Variants in PAX5 observed in about 807,000 individuals in gnomAD.
PAX5 encodes the protein paired box protein Pax-5.
In PAX5, 9 loss-of-function variants were observed where a neutral mutation model predicts 43.7. The ratio of observed to expected loss-of-function variants is 0.21; its 90% CI spans 0.12 to 0.36. The LOEUF is 0.36. Among genes scored for constraint, PAX5 ranks in the 10% least tolerant of loss-of-function variants. The pLI, the probability that PAX5 is intolerant of heterozygous loss-of-function variation, is 1.00. For synonymous variants in PAX5, 228 were observed against 214.3 expected, an observed-to-expected ratio of 1.06 and a Z score of -0.56; for missense variants, 383 against 532.7, an observed-to-expected ratio of 0.72 and a Z score of 2.77.
At chr9:36,981,306 C>A (rs1323352502) in intron 5 of PAX5, among the ~76,000 whole-genome samples, 1 of 151,686 alleles carries the variant, frequency 6.6e-6, no homozygotes, top group Admixed American at 6.6e-5. Flanking sequence ...TTCCTTAGAA[C>A]GTCACTCATG....
chr9:37,006,008 G>C (rs1441762877), intron 4 of PAX5, among the ~76,000 whole-genome samples: 1 of 152,206 alleles, frequency 6.6e-6, no homozygotes, highest in Admixed American at 6.5e-5. Context: ...AAGAGAGAGA[G>C]AGAAAGTAAG....
intron 6 of PAX5, among the ~76,000 whole-genome samples, chr9:36,929,226 G>A (rs968827948): frequency 6.8e-6 from 1 of 146,164 alleles, no homozygotes; most frequent in African/African-American, 2.6e-5. Context: ...GAAGGAAGAA[G>A]GAAGGAAGGA....
chr9:37,033,924 G>A (rs1841265120), intron 1 of PAX5, 62 bp downstream of exon 1: 1 of 1,535,028 alleles, frequency 6.5e-7, no homozygotes, highest in Non-Finnish European at 9.0e-7. Flanking sequence ...CACCCTGCGT[G>A]GGGACCAAGG....
intron 5 of PAX5, among the ~76,000 whole-genome samples, chr9:36,984,079 G>C (rs1653176043): frequency 1.3e-5 from 2 of 152,188 alleles, no homozygotes; most frequent in Admixed American, 1.3e-4. Context: ...CTAGGACTGA[G>C]CCAAGGAGTC....
chr9:36,854,812 A>G (rs72735603), intron 8 of PAX5, among the ~76,000 whole-genome samples: 2,142 of 152,338 alleles, frequency 0.014, 22 homozygotes, highest in Non-Finnish European at 0.02. Flanking sequence ...GGCCTTCAGA[A>G]AAACAGAGGG....
intron 1 of PAX5, chr9:37,026,417 G>C (rs1564091872): frequency 3.3e-6 from 3 of 919,250 alleles, no homozygotes; most frequent in Non-Finnish European, 3.0e-6. Context: ...TGCAAAGTTA[G>C]CTGCGCGGCT....
In PAX5 at chr9:36,882,242, G is replaced by C; in HGVS notation, c.911-137C>G. 3.3e-6 allele frequency: 2 copies of C among 609,792 alleles called. No individual in the cohort carries two copies. Among genetic ancestry groups the C allele is most frequent in the South Asian group, 4.0e-5 (2 of 50,444 alleles). 37.8% of individuals were successfully genotyped at this position (609,792 alleles called of 1,614,324 possible). On this transcript the variant is annotated intron_variant, in intron 7 of 9. Transcript: ENST00000358127. This position sits in a 1 kb window ranked among gnomAD's most constrained non-coding sequence, Gnocchi z 4.4. The stretch of plus-strand genomic sequence containing the variant: ...AATGTGCCCCCAGCTCCCCCCTGTC[G>C]CTCACACGCTCTCACAAACACACAT...
At chr9:36,901,809 G>A (rs780083328) in intron 7 of PAX5, among the ~76,000 whole-genome samples, 7 of 152,170 alleles carry the variant, frequency 4.6e-5, no homozygotes, top group African/African-American at 7.2e-5. Context: ...TCTGTAAAAC[G>A]AGGGTCAAGT....
chr9:36,979,948 C>T (rs1449998377), intron 5 of PAX5, among the ~76,000 whole-genome samples: 2 of 152,182 alleles, frequency 1.3e-5, no homozygotes, highest in African/African-American at 4.8e-5. Flanking sequence ...ACTCAGCAGC[C>T]TAACAGAGAC....
At chr9:37,010,653 G>A (rs1017704218) in intron 3 of PAX5, among the ~76,000 whole-genome samples, 1 of 152,066 alleles carries the variant, frequency 6.6e-6, no homozygotes, top group Non-Finnish European at 1.5e-5. Context: ...CAAAATTACA[G>A]TGAAAGAGAA....
intron 6 of PAX5, among the ~76,000 whole-genome samples, chr9:36,953,846 G>T (rs1296645647): frequency 6.6e-6 from 1 of 152,154 alleles, no homozygotes; most frequent in Non-Finnish European, 1.5e-5. Context: ...GCCAAGGCAG[G>T]TTGATTACCT....
chr9:36,834,965 C>A lies in PAX5; in HGVS notation c.*5595G>T, dbSNP rs190139962. The A allele has an allele frequency of 1.1e-4, 26 of 233,366 alleles. No individual in the cohort carries two copies. In the East Asian group the frequency reaches 1.4e-3, roughly 12 times the overall value. The allele number at this position is 233,366 out of a possible 1,614,324, so 14.5% of individuals were successfully genotyped here. Reference sequence around the variant, plus strand: ...CCACCCTGCTGTTTCACCTGCTTCCCTCCCTGGGCCCCGATCAGCCACCGG... The same window carrying A: ...CCACCCTGCTGTTTCACCTGCTTCCATCCCTGGGCCCCGATCAGCCACCGG... On this transcript the variant is annotated 3_prime_UTR_variant, in exon 10 of 10. Transcript: ENST00000358127.
chr9:36,990,687 T>C (rs913081508), intron 5 of PAX5, among the ~76,000 whole-genome samples: 2 of 152,230 alleles, frequency 1.3e-5, no homozygotes, highest in Non-Finnish European at 2.9e-5. Flanking sequence ...TCAATGGATA[T>C]TTAGGACAGA....
At chr9:36,922,717 A>T (rs554297789) in intron 7 of PAX5, 1 of 152,504 alleles carries the variant, frequency 6.6e-6, no homozygotes, top group Admixed American at 6.5e-5. Flanking sequence ...AGGTGCTAGC[A>T]CTAGTCCCGC....
chr9:36,998,130 T>A (rs1243174359), intron 5 of PAX5, among the ~76,000 whole-genome samples: 1 of 152,226 alleles, frequency 6.6e-6, no homozygotes, highest in Non-Finnish European at 1.5e-5. Flanking sequence ...CATTCAGCCA[T>A]AATCTGCCTC....
intron 7 of PAX5, among the ~76,000 whole-genome samples, chr9:36,909,364 C>T (rs1194481454): frequency 1.3e-5 from 2 of 152,208 alleles, no homozygotes; most frequent in Non-Finnish European, 2.9e-5. Flanking sequence ...TGTGTTGCTG[C>T]ACATTCTTGA....
At chr9:36,962,936 C>G (rs1834097744) in intron 6 of PAX5, among the ~76,000 whole-genome samples, 1 of 152,230 alleles carries the variant, frequency 6.6e-6, no homozygotes, top group Middle Eastern at 3.2e-3. Context: ...GCCTGTGGAA[C>G]ATTCACCTCT....
intron 9 of PAX5, 65 bp from the exon 10 acceptor site, chr9:36,840,701 C>A (rs1821977702): frequency 7.0e-6 from 7 of 1,001,898 alleles, no homozygotes; most frequent in Non-Finnish European, 1.0e-5. Context: ...GTCTCCTCCA[C>A]TTCTGTCCTT....
Position 36,868,963 on chromosome 9 carries a change from T to C in PAX5, c.1012+13041A>G, listed in dbSNP as rs1461991793. On this transcript the variant is annotated intron_variant, in intron 8 of 9. Transcript: ENST00000358127. ...GGGGGTGGGGAAGCATGGGGCTTGT[T>C]GGTAGAATGAGCTTACGGGCATGGG... Among the ~76,000 whole-genome samples, 4 of 152,202 alleles carry C rather than the reference T, an allele frequency of 2.6e-5. 1 individual carries two copies.
Sources: allele counts gnomAD v4.1 joint callset (sites outside exome capture counted in the v4.1 genomes callset), GRCh38; gene constraint gnomAD v4.1.1; non-coding constraint Gnocchi (gnomAD v3.1); transcripts MANE v1.5; gene names NCBI Gene and HGNC (gene_info 2026-07-23, HGNC 2026-07-21).